The following SMC6 variants were observed in gnomAD, a reference collection of about 807,000 sequenced individuals.
The protein encoded by SMC6 is structural maintenance of chromosomes 6.
In SMC6, 79 loss-of-function variants were observed where a neutral mutation model predicts 142.2. The ratio of observed to expected loss-of-function variants is 0.56; its 90% CI spans 0.46 to 0.67. The LOEUF (loss-of-function observed/expected upper bound fraction) is 0.67, where lower values mean the gene tolerates loss of function less well. Among genes scored for constraint, SMC6 ranks in the 30% least tolerant of loss-of-function variants. The probability of loss-of-function intolerance (pLI) is 0.00; values close to 1 mark genes in which losing one functional copy is unlikely to be tolerated. For missense variants in SMC6, 1,072 were observed against 1,284.0 expected (o/e 0.83, Z 2.52); for synonymous variants, 411 against 412.4 (o/e 1.00, Z 0.04).
chr2:17,746,811 TA>T (rs1670768133), intron 2 of SMC6, among the ~76,000 whole-genome samples: 1 of 152,194 alleles, frequency 6.6e-6, no homozygotes, highest in Non-Finnish European at 1.5e-5. Context: ...CCTAAAATGA[TA>T]GGTATCTAAT....
Position 17,753,033 on chromosome 2 carries a change from A to T in SMC6, c.-61T>A. On this transcript the variant is annotated 5_prime_UTR_variant, in exon 2 of 28. It adds an upstream start codon to the 5' untranslated region. Transcript: ENST00000448223. ...CTACCCTAGAGTCCTGTTTTCCGCAATTCCCAATTGGGATTCTTCTCCGGT... is the reference window on the plus strand; with the variant it reads ...CTACCCTAGAGTCCTGTTTTCCGCATTTCCCAATTGGGATTCTTCTCCGGT... The T allele has an allele frequency of 1.0e-6, 1 of 985,000 alleles. No individual in the cohort carries two copies. The highest frequency in any genetic ancestry group is 1.7e-5 in the African/African-American group (1 of 57,342). The allele number at this position is 985,000 out of a possible 1,614,324, so 61.0% of individuals were successfully genotyped here. A position where few individuals can be genotyped will look rare whatever the true frequency, so the allele number is the denominator to read the frequency against.
intron 2 of SMC6, among the ~76,000 whole-genome samples, chr2:17,749,013 C>T (rs533042080): frequency 6.6e-5 from 10 of 152,252 alleles, no homozygotes; most frequent in East Asian, 1.9e-4. Flanking sequence ...TAGGTTGCCA[C>T]GGTAACTTGC....
Position 17,664,895 on chromosome 2 carries a change from A to G in SMC6, c.*604T>C, listed in dbSNP as rs2555107. ...AAATCAGGCAAGCATGATGGAGGTC[A>G]GAGTGAAAAACTGCGTCATTATCCA... On this transcript the variant is annotated 3_prime_UTR_variant, in exon 28 of 28. Coordinates refer to ENST00000448223, the MANE Select transcript of SMC6 (RefSeq NM_001142286.2). The G allele has an allele frequency of 0.35, 52,531 of 152,182 alleles. 9,961 individuals are homozygous for G. Among genetic ancestry groups the G allele is most frequent in the African/African-American group, 0.46 (19,220 of 41,452 alleles). 9.4% of individuals were successfully genotyped at this position (152,182 alleles called of 1,614,324 possible). A position where few individuals can be genotyped will look rare whatever the true frequency, so the allele number is the denominator to read the frequency against.
intron 11 of SMC6, among the ~76,000 whole-genome samples, chr2:17,719,506 A>T (rs1191321975): frequency 6.6e-6 from 1 of 152,214 alleles, no homozygotes; most frequent in Non-Finnish European, 1.5e-5. Flanking sequence ...CTACAAAAGT[A>T]AACATAACCT....
In SMC6 at chr2:17,666,504, C is replaced by T; in HGVS notation, c.3077G>A (p.Arg1026Lys). Residue 1026 changes from arginine (R) to lysine (K), a missense_variant, in exon 27 of 28, where the codon AGG becomes AAG. Arg to Lys is a conservative substitution (Grantham distance 26). Around this residue, in one of 3 missense-constraint regions of SMC6, gnomAD observed 76 missense variants for 112.3 expected, o/e 0.68. Coordinates refer to ENST00000448223, the MANE Select transcript of SMC6 (RefSeq NM_001142286.2). ...CAGTATCAAGTCCATGGCAATTCTC[C>T]TATTAACCATATCCTGAAAAACAAA... Reference protein sequence around the residue: ...EFDVYMDMVNRRIAMDLILKM... With the variant: ...EFDVYMDMVNKRIAMDLILKM... 1 of 1,613,554 alleles carries T rather than the reference C, an allele frequency of 6.2e-7. No homozygotes were observed. The highest frequency in any genetic ancestry group is 8.5e-7 in the Non-Finnish European group (1 of 1,179,672).
intron 16 of SMC6, among the ~76,000 whole-genome samples, chr2:17,711,572 A>G (rs566115601): frequency 6.6e-6 from 1 of 152,320 alleles, no homozygotes; most frequent in South Asian, 2.1e-4. Context: ...GTAAAAGGAA[A>G]AACACCACTA....
chr2:17,679,209 G>A (rs1255081708), intron 24 of SMC6: 1 of 373,554 alleles, frequency 2.7e-6, no homozygotes, highest in African/African-American at 2.1e-5. Flanking sequence ...ATGAATTAAA[G>A]AGTCATCTCA....
chr2:17,693,594 C>T (rs941735572), intron 23 of SMC6, among the ~76,000 whole-genome samples: 2 of 151,830 alleles, frequency 1.3e-5, no homozygotes, highest in African/African-American at 4.8e-5. Context: ...TGTTAAATGA[C>T]GAGGTAATGG....
intron 24 of SMC6, among the ~76,000 whole-genome samples, chr2:17,682,607 G>A (rs1667282454): frequency 6.6e-6 from 1 of 152,100 alleles, no homozygotes; most frequent in Non-Finnish European, 1.5e-5. Flanking sequence ...GCTCACACAC[G>A]ACCAGGAATA....
chr2:17,714,852 A>T lies in SMC6; in HGVS notation c.1730+9T>A. 1 of 1,609,010 alleles carries T rather than the reference A, an allele frequency of 6.2e-7. No individual in the cohort carries two copies. Among genetic ancestry groups the T allele is most frequent in the Non-Finnish European group, 8.5e-7 (1 of 1,178,702 alleles). On this transcript the variant is annotated intron_variant, in intron 16 of 27. Transcript: ENST00000448223. ...AAGCCAGAAACATATTCAATTACTA[A>T]TGCCTTACCTGTGTCTTACATCATA...
intron 19 of SMC6, among the ~76,000 whole-genome samples, chr2:17,702,210 G>A (rs1668303243): frequency 6.6e-6 from 1 of 152,164 alleles, no homozygotes. Flanking sequence ...AAAGTCTCAA[G>A]TTATGGAATG....
intron 25 of SMC6, among the ~76,000 whole-genome samples, chr2:17,673,461 A>G (rs377631196): frequency 1.3e-5 from 2 of 151,898 alleles, no homozygotes; most frequent in African/African-American, 4.8e-5. Flanking sequence ...CTTCCTCTAG[A>G]AGCTTGTTTT....
intron 23 of SMC6, among the ~76,000 whole-genome samples, chr2:17,685,128 G>GAAAAAA (rs60207604): frequency 7.0e-6 from 1 of 143,632 alleles, no homozygotes; most frequent in African/African-American, 2.6e-5. Context: ...CAAGCAAAAT[G>GAAAAAA]AAAAAAAAAG....
intron 26 of SMC6, among the ~76,000 whole-genome samples, chr2:17,666,937 G>A (rs1270990472): frequency 2.6e-5 from 4 of 152,104 alleles, no homozygotes; most frequent in South Asian, 2.1e-4. Context: ...AGCTATGATC[G>A]CACCATTGTA....
At chr2:17,701,199 C>A (rs948573311) in intron 20 of SMC6, among the ~76,000 whole-genome samples, 3 of 151,930 alleles carry the variant, frequency 2.0e-5, no homozygotes, top group African/African-American at 7.2e-5. Flanking sequence ...GAGACTTATT[C>A]CATTTTGCGC....
At chr2:17,696,251 G>A (rs1429256962) in intron 22 of SMC6, 38 bp downstream of exon 22, 1 of 1,569,798 alleles carries the variant, frequency 6.4e-7, no homozygotes, top group Non-Finnish European at 8.6e-7. Flanking sequence ...CATGGCTAAG[G>A]CTGAAAACAA....
intron 3 of SMC6, among the ~76,000 whole-genome samples, chr2:17,742,065 C>A (rs1670498466): frequency 6.6e-6 from 1 of 152,082 alleles, no homozygotes; most frequent in South Asian, 2.1e-4. Flanking sequence ...CCACTAGATG[C>A]CGGCAACACA....
intron 23 of SMC6, among the ~76,000 whole-genome samples, chr2:17,693,595 G>A (rs1036507927): frequency 1.3e-5 from 2 of 151,990 alleles, no homozygotes; most frequent in Non-Finnish European, 2.9e-5. Context: ...GTTAAATGAC[G>A]AGGTAATGGG....
At chr2:17,693,738 G>A (rs998694661) in intron 23 of SMC6, among the ~76,000 whole-genome samples, 6 of 151,936 alleles carry the variant, frequency 3.9e-5, no homozygotes, top group Admixed American at 3.3e-4. Context: ...GCTCATGCCT[G>A]TAATCTCAGC....
Sources: gnomAD v4.1 joint callset for allele counts (sites outside exome capture counted in the v4.1 genomes callset) on GRCh38, gnomAD v4.1.1 for gene constraint, gnomAD v4.1.1 regional missense constraint, MANE v1.5 for transcripts, NCBI Gene and HGNC (gene_info 2026-07-23, HGNC 2026-07-21) for gene names.